CGGBP1: variants seen among roughly 807,000 people sequenced by gnomAD.
CGGBP1 encodes CGG triplet repeat-binding protein 1.
In CGGBP1, 4 loss-of-function variants were observed where a neutral mutation model predicts 11.4. That is an observed-to-expected ratio of 0.35 (90% CI 0.17 to 0.80). CGGBP1 has a LOEUF of 0.80. Among genes scored for constraint, CGGBP1 ranks in the 30% least tolerant of loss-of-function variants. The probability of loss-of-function intolerance (pLI) is 0.52; values close to 1 mark genes in which losing one functional copy is unlikely to be tolerated. For missense variants in CGGBP1, 135 were observed against 202.1 expected, an observed-to-expected ratio of 0.67 and a Z score of 2.01; for synonymous variants, 76 against 74.1, an observed-to-expected ratio of 1.03 and a Z score of -0.13.
At chr3:88,129,464 A>G (rs1299780362) in intron 2 of CGGBP1, among the ~76,000 whole-genome samples, 1 of 151,902 alleles carries the variant, frequency 6.6e-6, no homozygotes, top group Non-Finnish European at 1.5e-5. Context: ...GTATGTACCT[A>G]TAGGTTGTGG....
Position 88,055,538 on chromosome 3 carries a change from G to C in CGGBP1, c.439C>G (p.Arg147Gly). 1 of 1,582,106 alleles carries C rather than the reference G, an allele frequency of 6.3e-7. No individual in the cohort carries two copies. The highest frequency in any genetic ancestry group is 8.6e-7 in the Non-Finnish European group (1 of 1,160,140). Residue 147 changes from arginine (R) to glycine (G), a missense_variant, in exon 4 of 4, where the codon CGG becomes GGG. Transcript: ENST00000482016. The surrounding 1 kb of genome is among the most constrained non-coding windows in gnomAD (Gnocchi z 4.2). ...TATCCATCAGGAAGATATGCCCTCC[G>C]TAGCTGGTCTGACTTAGGTATGGAG... ...GGSIPKSDQL[R>G]RAYLPDGYEN... is the part of the protein sequence containing the mutation.
intron 2 of CGGBP1, among the ~76,000 whole-genome samples, chr3:88,073,612 A>G (rs748514462): frequency 1.2e-4 from 18 of 152,232 alleles, no homozygotes; most frequent in Non-Finnish European, 2.1e-4. Flanking sequence ...AAAGAATTCT[A>G]TGAAATTATA....
At chr3:88,100,892 T>A (rs1439616662) in intron 2 of CGGBP1, among the ~76,000 whole-genome samples, 1 of 152,194 alleles carries the variant, frequency 6.6e-6, no homozygotes, top group Non-Finnish European at 1.5e-5. Context: ...CACACCAACA[T>A]GGCACCTGTA....
At chr3:88,095,270 C>T (rs1040400089) in intron 2 of CGGBP1, 1 of 170,512 alleles carries the variant, frequency 5.9e-6, no homozygotes, top group African/African-American at 2.4e-5. Context: ...GAACCAATAC[C>T]ATCTTTTCTC....
chr3:88,122,226 G>A (rs1164856068), intron 2 of CGGBP1, among the ~76,000 whole-genome samples: 1 of 152,170 alleles, frequency 6.6e-6, no homozygotes, highest in East Asian at 1.9e-4. Flanking sequence ...AATGGCATAG[G>A]TAAGAAAAGA....
chr3:88,123,022 A>AG (rs1168700281), intron 2 of CGGBP1, among the ~76,000 whole-genome samples: 1 of 151,696 alleles, frequency 6.6e-6, no homozygotes, highest in Non-Finnish European at 1.5e-5. Context: ...AAAAAAAAAA[A>AG]AAAAGTAAAA....
At chr3:88,113,026 T>G in intron 2 of CGGBP1, 1 of 797,702 alleles carries the variant, frequency 1.3e-6, no homozygotes, top group Non-Finnish European at 1.9e-6. Context: ...AGTCAAATAT[T>G]GATATTAGAT....
At chr3:88,096,937 A>G (rs1407583893) in intron 2 of CGGBP1, among the ~76,000 whole-genome samples, 1 of 152,180 alleles carries the variant, frequency 6.6e-6, no homozygotes, top group Non-Finnish European at 1.5e-5. Context: ...CTAGTATACT[A>G]TACACACTGT....
chr3:88,140,963 C>A (rs756956635), intron 2 of CGGBP1: 1 of 1,613,380 alleles, frequency 6.2e-7, no homozygotes, highest in Non-Finnish European at 8.5e-7. Context: ...AATGCCTGAC[C>A]ACCTACTGTA....
At chr3:88,100,654 T>C (rs1368557787) in intron 2 of CGGBP1, among the ~76,000 whole-genome samples, 1 of 152,198 alleles carries the variant, frequency 6.6e-6, no homozygotes, top group African/African-American at 2.4e-5. Context: ...TTCATGTCCT[T>C]TGTAGGGACA....
At chr3:88,114,100 G>A (rs1705251404) in intron 2 of CGGBP1, among the ~76,000 whole-genome samples, 1 of 152,118 alleles carries the variant, frequency 6.6e-6, no homozygotes, top group Non-Finnish European at 1.5e-5. Flanking sequence ...AAGAAAAACA[G>A]TAGTAAGCAA....
intron 2 of CGGBP1, among the ~76,000 whole-genome samples, chr3:88,109,049 G>A (rs1704919451): frequency 6.6e-6 from 1 of 151,832 alleles, no homozygotes; most frequent in Non-Finnish European, 1.5e-5. Context: ...TGTTCAAATT[G>A]ATGAAAATTG....
In CGGBP1 at chr3:88,055,690, G is replaced by A. The variant is rs764743017; in HGVS notation, c.287C>T (p.Ala96Val). 22 of 1,614,038 alleles carry A rather than the reference G, an allele frequency of 1.4e-5. No homozygotes were observed. The highest frequency in any genetic ancestry group is 2.2e-5 in the East Asian group (1 of 44,898). ...LTASLQCNST[A>V]QTEKVSVIQD... ...GATAACACTGACTTTCTCTGTTTGC[G>A]CAGTACTGTTGCACTGAAGAGATGC... The change falls in exon 4 of 4, where the codon GCG becomes GTG. Residue 96 changes from alanine to valine, a missense_variant. By Grantham distance (64) the Ala-to-Val change is moderately conservative. Transcript: ENST00000482016. The surrounding 1 kb of genome is among the most constrained non-coding windows in gnomAD (Gnocchi z 4.2).
chr3:88,087,154 C>T (rs1708378298), intron 2 of CGGBP1, among the ~76,000 whole-genome samples: 1 of 152,042 alleles, frequency 6.6e-6, no homozygotes, highest in Non-Finnish European at 1.5e-5. Context: ...TCTTGGTTCA[C>T]CGCAACCTCT....
At chr3:88,126,705 A>T (rs1339839277) in intron 2 of CGGBP1, among the ~76,000 whole-genome samples, 1 of 150,368 alleles carries the variant, frequency 6.7e-6, no homozygotes, top group Non-Finnish European at 1.5e-5. Context: ...TGTCACTACT[A>T]CTGCATATCC....
At chr3:88,128,883 A>G in intron 2 of CGGBP1, 2 of 1,535,636 alleles carry the variant, frequency 1.3e-6, no homozygotes, top group Non-Finnish European at 1.7e-6. Context: ...TTGTGAACGC[A>G]TACCCGAAGC....
At chr3:88,129,463 T>C (rs536324810) in intron 2 of CGGBP1, among the ~76,000 whole-genome samples, 1 of 152,180 alleles carries the variant, frequency 6.6e-6, no homozygotes, top group East Asian at 1.9e-4. Context: ...CGTATGTACC[T>C]ATAGGTTGTG....
chr3:88,132,889 A>G (rs574805964), intron 2 of CGGBP1, among the ~76,000 whole-genome samples: 10 of 152,340 alleles, frequency 6.6e-5, no homozygotes, highest in African/African-American at 2.4e-4. Flanking sequence ...AAGTGATAGC[A>G]TCTGTGCCTA....
rs541729387 is a variant in CGGBP1 at position 88,110,052 on chromosome 3, G to C, written c.-229+30918C>G. Among the ~76,000 whole-genome samples the C allele has an allele frequency of 2.5e-4, 38 of 152,212 alleles. 1 individual carries two copies. The South Asian group carries it at 4.1e-3, about 17-fold the overall frequency. ...ATCTTGTGTTTCCTTATAGATTGTTGAAGAAAATCTGGATGGTGACATGTT... is the reference window on the plus strand; with the variant it reads ...ATCTTGTGTTTCCTTATAGATTGTTCAAGAAAATCTGGATGGTGACATGTT... On this transcript the variant is annotated intron_variant, in intron 2 of 3. Transcript: ENST00000462901.
Sources: gnomAD v4.1 joint callset for allele counts (sites outside exome capture counted in the v4.1 genomes callset) on GRCh38, gnomAD v4.1.1 for gene constraint, Gnocchi (gnomAD v3.1) non-coding constraint, MANE v1.5 for transcripts, NCBI Gene and HGNC (gene_info 2026-07-23, HGNC 2026-07-21) for gene names.